VEZT: variants seen among roughly 807,000 people sequenced by gnomAD.
The protein encoded by VEZT is vezatin, adherens junctions transmembrane protein, also known as vezatin.
VEZT carries 39 observed loss-of-function variants against 79.9 expected under a neutral mutation model. That is an observed-to-expected ratio of 0.49 (90% CI 0.38 to 0.64). The LOEUF (loss-of-function observed/expected upper bound fraction) is 0.64. Ranked by LOEUF, VEZT falls within the 30% of genes least tolerant of loss-of-function variation. The pLI, the probability that VEZT is intolerant of heterozygous loss-of-function variation, is 0.00. For missense variants in VEZT, 837 were observed against 893.1 expected (o/e 0.94, Z 0.80); for synonymous variants, 325 against 327.6 (o/e 0.99, Z 0.09).
At chr12:95,291,694 CT>C (rs1274314517) in intron 9 of VEZT, among the ~76,000 whole-genome samples, 1 of 152,144 alleles carries the variant, frequency 6.6e-6, no homozygotes, top group African/African-American at 2.4e-5. Context: ...CTTCAGGGAG[CT>C]TTTTTCACTT....
chr12:95,285,040 C>T (rs1414608224), intron 8 of VEZT, among the ~76,000 whole-genome samples: 11 of 145,450 alleles, frequency 7.6e-5, no homozygotes, highest in Admixed American at 2.1e-4. Flanking sequence ...GAGCCAAGAT[C>T]GCACCACTGC....
At chr12:95,222,150 G>T (rs2057714773) in intron 1 of VEZT, among the ~76,000 whole-genome samples, 1 of 152,106 alleles carries the variant, frequency 6.6e-6, no homozygotes, top group Non-Finnish European at 1.5e-5. Context: ...TTTTAATCGT[G>T]TCTTTCAATG....
intron 2 of VEZT, among the ~76,000 whole-genome samples, chr12:95,254,329 A>T (rs1289078770): frequency 2.0e-5 from 3 of 149,892 alleles, no homozygotes; most frequent in African/African-American, 7.3e-5. Flanking sequence ...TATTTTTCTA[A>T]AACGAAGTTC....
intron 1 of VEZT, among the ~76,000 whole-genome samples, chr12:95,236,204 C>G (rs1239213980): frequency 1.3e-5 from 2 of 152,200 alleles, no homozygotes; most frequent in African/African-American, 2.4e-5. Context: ...GCGGATCACT[C>G]GCGGTTAGGA....
chr12:95,277,796 C>CTTG (rs945333263), intron 7 of VEZT, among the ~76,000 whole-genome samples: 10 of 152,302 alleles, frequency 6.6e-5, no homozygotes, highest in African/African-American at 2.2e-4. Flanking sequence ...TAGAACAGGG[C>CTTG]TTGACATATA....
chr12:95,226,938 T>C (rs2058578099), intron 1 of VEZT, among the ~76,000 whole-genome samples: 1 of 152,192 alleles, frequency 6.6e-6, no homozygotes, highest in Non-Finnish European at 1.5e-5. Flanking sequence ...TCTAAGAGGC[T>C]GAATTGAGAA....
chr12:95,245,160 G>A (rs989378359), intron 1 of VEZT, among the ~76,000 whole-genome samples: 1 of 152,198 alleles, frequency 6.6e-6, no homozygotes, highest in Non-Finnish European at 1.5e-5. Context: ...CTTGAACCCG[G>A]GAGGTGGAGG....
chr12:95,235,970 C>T (rs2060099218), intron 1 of VEZT, among the ~76,000 whole-genome samples: 1 of 151,870 alleles, frequency 6.6e-6, no homozygotes, highest in African/African-American at 2.4e-5. Context: ...TCCTCACTTC[C>T]TAGATGGGAT....
intron 9 of VEZT, 77 bp from the exon 10 acceptor site, chr12:95,294,195 G>A: frequency 7.8e-7 from 1 of 1,274,912 alleles, no homozygotes; most frequent in Non-Finnish European, 1.1e-6. Context: ...CCCCAAGGGT[G>A]TTTTTAATTA....
At chr12:95,278,839 CGGGCGGATCAACTGAGGTT>C (rs1273978120) in intron 7 of VEZT, among the ~76,000 whole-genome samples, 1 of 152,206 alleles carries the variant, frequency 6.6e-6, no homozygotes, top group African/African-American at 2.4e-5. Flanking sequence ...GAGGCCAAGG[CGGGCGGATCAACTGAGGTT>C]GGGAGTTTGC....
chr12:95,251,652 C>T (rs1749900104), intron 1 of VEZT, among the ~76,000 whole-genome samples: 1 of 152,018 alleles, frequency 6.6e-6, no homozygotes, highest in Admixed American at 6.6e-5. Context: ...GCTTAACAAT[C>T]TATTTATATT....
chr12:95,250,033 G>GT (rs2062285843), intron 1 of VEZT, among the ~76,000 whole-genome samples: 1 of 143,558 alleles, frequency 7.0e-6, no homozygotes, highest in Non-Finnish European at 1.5e-5. Context: ...TTTTTCTGTT[G>GT]TTTTATCTCT....
intron 3 of VEZT, 34 bp downstream of exon 3, chr12:95,257,273 G>GTTC: frequency 6.8e-7 from 1 of 1,480,930 alleles, no homozygotes. Context: ...ACTTTTCAGG[G>GTTC]TTCTAGGTTA....
Position 95,266,484 on chromosome 12 carries a change from T to C in VEZT, c.562T>C (p.Trp188Arg), listed in dbSNP as rs747893837. The change falls in exon 5 of 12, where the codon TGG becomes CGG. Residue 188 changes from tryptophan to arginine, a missense_variant. Trp to Arg is a moderately radical substitution (Grantham distance 101). Coordinates refer to ENST00000436874, the MANE Select transcript of VEZT (RefSeq NM_017599.4). Reference protein sequence around the residue: ...VYLVIRALRLWRTAKLQVTLK... With the variant: ...VYLVIRALRLRRTAKLQVTLK... ...TCTGGTCATAAGAGCTTTGAGATTA[T>C]GGAGGACAGCCAAACTACAAGTGAC... 1.2e-6 allele frequency: 2 copies of C among 1,613,800 alleles called. No homozygotes were observed. The highest frequency in any genetic ancestry group is 3.3e-5 in the Admixed American group (2 of 60,002).
At chr12:95,254,094 C>T (rs2063059328) in intron 2 of VEZT, among the ~76,000 whole-genome samples, 1 of 152,096 alleles carries the variant, frequency 6.6e-6, no homozygotes. Flanking sequence ...GATCCTCCCA[C>T]CTCTGCCTCC....
At chr12:95,268,887 AT>A (rs2066062429) in intron 5 of VEZT, among the ~76,000 whole-genome samples, 1 of 152,230 alleles carries the variant, frequency 6.6e-6, no homozygotes. Flanking sequence ...CAGTAGTGCC[AT>A]ATATTGAAAT....
At chr12:95,280,205 T>C (rs1483905503) in intron 7 of VEZT, among the ~76,000 whole-genome samples, 1 of 152,168 alleles carries the variant, frequency 6.6e-6, no homozygotes, top group Non-Finnish European at 1.5e-5. Context: ...TCAGATTATG[T>C]CATGCTTCTG....
intron 1 of VEZT, among the ~76,000 whole-genome samples, chr12:95,241,016 A>G (rs569996465): frequency 6.7e-6 from 1 of 149,434 alleles, no homozygotes; most frequent in Non-Finnish European, 1.5e-5. Context: ...TCCACCCCAC[A>G]GTTTTTTGGG....
chr12:95,254,777 G>A (rs1300734872), intron 2 of VEZT, among the ~76,000 whole-genome samples: 1 of 152,180 alleles, frequency 6.6e-6, no homozygotes, highest in Non-Finnish European at 1.5e-5. Flanking sequence ...TATTTCCTCT[G>A]AAAAGCTGTT....
Sources: allele counts gnomAD v4.1 joint callset (sites outside exome capture counted in the v4.1 genomes callset), GRCh38; gene constraint gnomAD v4.1.1; transcripts MANE v1.5; gene names NCBI Gene and HGNC (gene_info 2026-07-23, HGNC 2026-07-21).